Variants in NME7 observed in about 807,000 individuals in gnomAD.
NME7 encodes nucleoside diphosphate kinase 7.
In NME7, 41 loss-of-function variants were observed where a neutral mutation model predicts 49.1. The ratio of observed to expected loss-of-function variants is 0.83; its 90% CI spans 0.65 to 1.08. The LOEUF (loss-of-function observed/expected upper bound fraction) is 1.08, where lower values mean the gene tolerates loss of function less well. Among genes scored for constraint, NME7 ranks in the 50% least tolerant of loss-of-function variants. The pLI, the probability that NME7 is intolerant of heterozygous loss-of-function variation, is 0.00. For synonymous variants in NME7, 139 were observed against 150.6 expected (o/e 0.92, Z 0.56); for missense variants, 423 against 463.4 (o/e 0.91, Z 0.80).
rs1170428084 is a variant in NME7 at position 169,258,350 on chromosome 1, A to AAAAAT, written c.755-20668_755-20664dup. On this transcript the variant is annotated intron_variant, in intron 7 of 11. Coordinates refer to ENST00000367811, the MANE Select transcript of NME7 (RefSeq NM_013330.5). ...TGACAGAGTAAGACCTTGTCTCAAA[A>AAAAAT]AAAATAAAATAAAATAAAATAAAAC... Among the ~76,000 whole-genome samples the AAAAAT allele has an allele frequency of 4.6e-5, 5 of 109,336 alleles. 1 individual carries two copies. Among genetic ancestry groups the AAAAAT allele is most frequent in the Admixed American group, 3.0e-4 (3 of 9,900 alleles). The allele number at this position is 109,336 out of a possible 152,430, so 71.7% of individuals were successfully genotyped here.
chr1:169,248,295 T>C (rs925829440), intron 7 of NME7, among the ~76,000 whole-genome samples: 1 of 152,176 alleles, frequency 6.6e-6, no homozygotes, highest in Non-Finnish European at 1.5e-5. Context: ...GAGAAATGTC[T>C]ATTCATGTTA....
chr1:169,162,569 C>T (rs1039226929), intron 11 of NME7, among the ~76,000 whole-genome samples: 3 of 152,090 alleles, frequency 2.0e-5, no homozygotes, highest in Non-Finnish European at 4.4e-5. Flanking sequence ...ACAGGCCAGG[C>T]ATGGTGACTC....
chr1:169,209,739 T>C (rs1001003244), intron 10 of NME7, among the ~76,000 whole-genome samples: 15 of 152,250 alleles, frequency 9.9e-5, no homozygotes, highest in African/African-American at 3.6e-4. Context: ...GTGGCCTTCA[T>C]ACTCTGGCCT....
chr1:169,222,347 T>C (rs1203226430), intron 10 of NME7, among the ~76,000 whole-genome samples: 1 of 152,144 alleles, frequency 6.6e-6, no homozygotes, highest in Non-Finnish European at 1.5e-5. Flanking sequence ...TGGCACACAG[T>C]AGGCACTCAA....
intron 2 of NME7, among the ~76,000 whole-genome samples, chr1:169,323,647 C>T (rs1053404851): frequency 1.3e-5 from 2 of 152,116 alleles, no homozygotes; most frequent in Non-Finnish European, 2.9e-5. Flanking sequence ...AAAAGATCTA[C>T]TTGTTAAAAT....
chr1:169,318,818 T>C (rs1015980702), intron 3 of NME7, among the ~76,000 whole-genome samples: 2 of 151,746 alleles, frequency 1.3e-5, no homozygotes, highest in East Asian at 3.9e-4. Context: ...ATACCAGGAG[T>C]CTTTTTTGCC....
intron 10 of NME7, among the ~76,000 whole-genome samples, chr1:169,171,081 A>T (rs374772319): frequency 6.6e-6 from 1 of 152,196 alleles, no homozygotes; most frequent in Non-Finnish European, 1.5e-5. Flanking sequence ...CAGTTCCAGT[A>T]AACTGTTTTA....
At chr1:169,307,886 G>T (rs1159770873) in intron 4 of NME7, among the ~76,000 whole-genome samples, 2 of 152,060 alleles carry the variant, frequency 1.3e-5, no homozygotes, top group Non-Finnish European at 2.9e-5. Context: ...CGGGCGTGGT[G>T]GTGTGCTCCT....
At chr1:169,201,062 C>T (rs939419836) in intron 10 of NME7, among the ~76,000 whole-genome samples, 10 of 152,114 alleles carry the variant, frequency 6.6e-5, no homozygotes, top group African/African-American at 1.7e-4. Context: ...GAGACCCTAT[C>T]GCTACAAAAA....
chr1:169,342,738 T>C (rs1315351282), intron 1 of NME7, among the ~76,000 whole-genome samples: 2 of 44,486 alleles, frequency 4.5e-5, no homozygotes, highest in Non-Finnish European at 6.9e-5. Context: ...TATATATATA[T>C]ACAAGTACAT....
At chr1:169,143,844 G>A (rs1243349503) in intron 11 of NME7, among the ~76,000 whole-genome samples, 4 of 152,024 alleles carry the variant, frequency 2.6e-5, no homozygotes, top group Non-Finnish European at 4.4e-5. Context: ...AACAGTATGG[G>A]CATTTACTTA....
intron 10 of NME7, among the ~76,000 whole-genome samples, chr1:169,196,649 C>T (rs1343847392): frequency 6.6e-6 from 1 of 152,124 alleles, no homozygotes; most frequent in Non-Finnish European, 1.5e-5. Context: ...TTAATATTTG[C>T]AACTTCAACT....
chr1:169,276,822 T>C (rs1649753652), intron 7 of NME7, among the ~76,000 whole-genome samples: 1 of 140,632 alleles, frequency 7.1e-6, no homozygotes, highest in African/African-American at 2.5e-5. Flanking sequence ...CTTGTGGCCA[T>C]TTAGTGCTAT....
At chr1:169,194,579 C>A (rs1362799102) in intron 10 of NME7, among the ~76,000 whole-genome samples, 1 of 152,146 alleles carries the variant, frequency 6.6e-6, no homozygotes, top group Non-Finnish European at 1.5e-5. Context: ...TTCCTCAGTC[C>A]TTTTGTGACT....
intron 7 of NME7, among the ~76,000 whole-genome samples, chr1:169,275,259 C>A (rs1462731428): frequency 7.7e-6 from 1 of 130,538 alleles, no homozygotes; most frequent in Non-Finnish European, 1.8e-5. Flanking sequence ...CATGATTTGG[C>A]TCTCTGTTTG....
At chr1:169,186,181 G>C (rs1047881530) in intron 10 of NME7, among the ~76,000 whole-genome samples, 2 of 152,122 alleles carry the variant, frequency 1.3e-5, no homozygotes, top group Non-Finnish European at 2.9e-5. Context: ...TACTGCAAAA[G>C]GGAAGAGATG....
At chr1:169,260,439 T>G (rs1649123328) in intron 7 of NME7, among the ~76,000 whole-genome samples, 1 of 132,702 alleles carries the variant, frequency 7.5e-6, no homozygotes, top group Admixed American at 7.3e-5. Context: ...CCATGTAACT[T>G]GAATCATTTT....
chr1:169,251,737 A>G (rs1474857920), intron 7 of NME7, among the ~76,000 whole-genome samples: 1 of 121,290 alleles, frequency 8.2e-6, no homozygotes, highest in Non-Finnish European at 1.6e-5. Context: ...CAGTCCCCAG[A>G]GTGTGATATT....
chr1:169,226,747 G>A (rs1369416698), intron 10 of NME7, among the ~76,000 whole-genome samples: 1 of 152,090 alleles, frequency 6.6e-6, no homozygotes, highest in Admixed American at 6.6e-5. Context: ...AAGAAATTTT[G>A]CAAAATATAG....
Sources: gnomAD v4.1 joint callset for allele counts (sites outside exome capture counted in the v4.1 genomes callset) on GRCh38, gnomAD v4.1.1 for gene constraint, MANE v1.5 for transcripts, NCBI Gene and HGNC (gene_info 2026-07-23, HGNC 2026-07-21) for gene names.